The following CCDC88A variants were observed in gnomAD, a reference collection of about 807,000 sequenced individuals.
CCDC88A encodes the protein girdin.
Under a neutral mutation model 234.3 loss-of-function variants are expected in CCDC88A, and 54 were observed. The observed-to-expected ratio is 0.23, with a 90% confidence interval of 0.19 to 0.29. The LOEUF (loss-of-function observed/expected upper bound fraction) is 0.29, where lower values mean the gene tolerates loss of function less well. Among genes scored for constraint, CCDC88A ranks in the 10% least tolerant of loss-of-function variants. CCDC88A has a pLI of 1.00. For missense variants in CCDC88A, 1,832 were observed against 2,123.4 expected (o/e 0.86, Z 2.70); for synonymous variants, 753 against 737.8 (o/e 1.02, Z -0.33).
chr2:55,321,060 T>A (rs1383698013), intron 18 of CCDC88A: 3 of 148,016 alleles, frequency 2.0e-5, no homozygotes, highest in African/African-American at 7.5e-5. Flanking sequence ...CAGTGAGCTA[T>A]GATCTCGCCA....
chr2:55,310,645 G>A (rs944910307), intron 23 of CCDC88A, among the ~76,000 whole-genome samples: 1 of 152,142 alleles, frequency 6.6e-6, no homozygotes, highest in Non-Finnish European at 1.5e-5. Context: ...ATTTGAGAGG[G>A]AAGGCTGAAT....
chr2:55,381,580 A>C (rs914283094), intron 3 of CCDC88A, among the ~76,000 whole-genome samples: 10 of 150,740 alleles, frequency 6.6e-5, no homozygotes, highest in African/African-American at 2.2e-4. Context: ...AAAAGTGCAC[A>C]TGACTATACA....
rs373685119 is a variant in CCDC88A, at chr2:55,346,247, A to G, written c.969T>C (p.Asp323=). The G allele has an allele frequency of 9.9e-6, 16 of 1,612,202 alleles. No homozygotes were observed. Among genetic ancestry groups the G allele is most frequent in the Non-Finnish European group, 1.4e-5 (16 of 1,178,482 alleles). The change falls in exon 10 of 33, where the codon GAT becomes GAC. Residue 323 remains aspartate, a synonymous_variant. Transcript: ENST00000436346. ...DALREKAVRV[D]KLESEVSRYK... is the part of the protein sequence containing the mutation. ...ATCTGCTGACTTCACTTTCAAGCTTATCGACTCTGACTGCTTTCTCTCGAA... is the reference window on the plus strand; with the variant it reads ...ATCTGCTGACTTCACTTTCAAGCTTGTCGACTCTGACTGCTTTCTCTCGAA...
chr2:55,370,036 AC>A (rs1672589465), intron 5 of CCDC88A, among the ~76,000 whole-genome samples: 1 of 152,212 alleles, frequency 6.6e-6, no homozygotes, highest in African/African-American at 2.4e-5. Context: ...CAGAATGATA[AC>A]ATTTTTCAAA....
intron 2 of CCDC88A, among the ~76,000 whole-genome samples, chr2:55,398,414 G>A (rs1677996029): frequency 1.3e-5 from 2 of 152,042 alleles, no homozygotes; most frequent in South Asian, 2.1e-4. Context: ...TAGAGCCCAG[G>A]ATAACCATTA....
chr2:55,367,634 T>G (rs944991911), intron 5 of CCDC88A, among the ~76,000 whole-genome samples: 6 of 150,834 alleles, frequency 4.0e-5, no homozygotes, highest in African/African-American at 1.5e-4. Context: ...TGGCCTCAAG[T>G]GATCCTCCCA....
At chr2:55,399,157 AAAGG>A (rs1461302293) in intron 2 of CCDC88A, among the ~76,000 whole-genome samples, 1 of 152,138 alleles carries the variant, frequency 6.6e-6, no homozygotes, top group African/African-American at 2.4e-5. Context: ...ACAATGTCTA[AAAGG>A]AATAAATCAA....
chr2:55,366,038 A>G (rs1170277129), intron 5 of CCDC88A, among the ~76,000 whole-genome samples: 4 of 152,242 alleles, frequency 2.6e-5, no homozygotes, highest in Non-Finnish European at 5.9e-5. Context: ...TCTGGTGTTA[A>G]AAACAGATAT....
At chr2:55,325,997 A>T (rs1391051759) in intron 17 of CCDC88A, among the ~76,000 whole-genome samples, 1 of 151,998 alleles carries the variant, frequency 6.6e-6, no homozygotes, top group Non-Finnish European at 1.5e-5. Flanking sequence ...GATTTCTGAT[A>T]GGTAGCATAT....
rs1273358971 is a variant in CCDC88A at position 55,355,739 on chromosome 2, G to C, written c.640C>G (p.Leu214Val). 4 of 1,611,134 alleles carry C rather than the reference G, an allele frequency of 2.5e-6. No individual in the cohort carries two copies. Among genetic ancestry groups the C allele is most frequent in the Non-Finnish European group, 3.4e-6 (4 of 1,177,500 alleles). ...RDEHSETIIE[L>V]SEERDGLHFL... Reference sequence around the variant, plus strand: ...TGGAGACCATCCCGCTCTTCAGAGAGTTCTATGATAGTCTAGAAATACACA... The same window carrying C: ...TGGAGACCATCCCGCTCTTCAGAGACTTCTATGATAGTCTAGAAATACACA... The change falls in exon 8 of 33, where the codon CTC becomes GTC. Residue 214 changes from leucine to valine, a missense_variant. Around this residue, in one of 6 missense-constraint regions of CCDC88A, gnomAD observed 1,282 missense variants for 1,543.6 expected, o/e 0.83. Coordinates refer to ENST00000436346, the MANE Select transcript of CCDC88A (RefSeq NM_001365480.1).
chr2:55,399,231 T>A (rs776730067), intron 2 of CCDC88A, among the ~76,000 whole-genome samples: 1 of 151,982 alleles, frequency 6.6e-6, no homozygotes, highest in Non-Finnish European at 1.5e-5. Flanking sequence ...AGAAATTGCT[T>A]TTAAAAAAGT....
intron 3 of CCDC88A, 96 bp downstream of exon 3, chr2:55,388,682 T>C: frequency 3.3e-6 from 2 of 600,436 alleles, no homozygotes; most frequent in Admixed American, 3.4e-5. Flanking sequence ...ACCTAGCATA[T>C]AATAAGCGTT....
intron 10 of CCDC88A, 41 bp downstream of exon 10, chr2:55,346,134 C>G: frequency 6.9e-7 from 1 of 1,459,300 alleles, no homozygotes; most frequent in Non-Finnish European, 9.3e-7. Context: ...AAAATTCTAA[C>G]ACAGAAAAAA....
At chr2:55,331,996 C>T (rs916597598) in intron 16 of CCDC88A, 1 of 152,150 alleles carries the variant, frequency 6.6e-6, no homozygotes, top group African/African-American at 2.4e-5. Flanking sequence ...TGATCTTCTG[C>T]TACCTGGGTG....
chr2:55,414,758 G>C (rs1162725542), intron 2 of CCDC88A, among the ~76,000 whole-genome samples: 1 of 152,032 alleles, frequency 6.6e-6, no homozygotes, highest in East Asian at 1.9e-4. Context: ...CATTTTAGAT[G>C]AAAAAACTTA....
chr2:55,363,192 A>C (rs969607089), intron 6 of CCDC88A, among the ~76,000 whole-genome samples: 1 of 152,008 alleles, frequency 6.6e-6, no homozygotes, highest in Non-Finnish European at 1.5e-5. Context: ...ATTGTTGATA[A>C]TAATGTTACT....
intron 5 of CCDC88A, among the ~76,000 whole-genome samples, chr2:55,366,757 G>GA (rs1396494163): frequency 6.6e-6 from 1 of 151,958 alleles, no homozygotes; most frequent in African/African-American, 2.4e-5. Context: ...TGATCTTAAA[G>GA]AAAGAAGACA....
chr2:55,365,171 A>G (rs1261453800), intron 5 of CCDC88A, among the ~76,000 whole-genome samples: 4 of 152,202 alleles, frequency 2.6e-5, no homozygotes, highest in African/African-American at 4.8e-5. Flanking sequence ...CCAGAAATGT[A>G]TAATTCCTAG....
At chr2:55,363,716 C>A (rs1349859311) in intron 6 of CCDC88A, 1 of 351,836 alleles carries the variant, frequency 2.8e-6, no homozygotes, top group Admixed American at 4.7e-5. Flanking sequence ...CCTCAAATAA[C>A]ACTTTCTGCC....
Sources: gnomAD v4.1 joint callset for allele counts (sites outside exome capture counted in the v4.1 genomes callset) on GRCh38, gnomAD v4.1.1 for gene constraint, gnomAD v4.1.1 regional missense constraint, MANE v1.5 for transcripts, NCBI Gene and HGNC (gene_info 2026-07-23, HGNC 2026-07-21) for gene names.